The following CPNE4 variants were observed in gnomAD, a reference collection of about 807,000 sequenced individuals.
CPNE4 encodes the protein copine 4, also known as copine-4.
Under a neutral mutation model 67.9 loss-of-function variants are expected in CPNE4, and 25 were observed. That is an observed-to-expected ratio of 0.37 (90% CI 0.27 to 0.51). The LOEUF is 0.51. Ranked by LOEUF, CPNE4 falls within the 20% of genes least tolerant of loss-of-function variation. CPNE4 has a pLI of 0.93. For missense variants in CPNE4, 464 were observed against 690.8 expected, an observed-to-expected ratio of 0.67 and a Z score of 3.68; for synonymous variants, 242 against 244.9, an observed-to-expected ratio of 0.99 and a Z score of 0.11.
chr3:131,765,732 T>C (rs1336339191), intron 2 of CPNE4, among the ~76,000 whole-genome samples: 1 of 152,062 alleles, frequency 6.6e-6, no homozygotes, highest in Admixed American at 6.6e-5. Context: ...CAGAAATCTA[T>C]GTGTTGATGG....
At chr3:131,597,134 C>T (rs1440746292) in intron 7 of CPNE4, among the ~76,000 whole-genome samples, 2 of 152,182 alleles carry the variant, frequency 1.3e-5, no homozygotes, top group Admixed American at 1.3e-4. Context: ...TTATTATTAT[C>T]ATCCCTACTG....
chr3:131,979,956 C>T (rs6778407), intron 1 of CPNE4, among the ~76,000 whole-genome samples: 3,073 of 152,114 alleles, frequency 0.02, 98 homozygotes, highest in African/African-American at 0.069. Flanking sequence ...ATATATGATG[C>T]TTAGTTTTGC....
At chr3:131,656,300 T>C (rs2079963885) in intron 7 of CPNE4, among the ~76,000 whole-genome samples, 1 of 152,186 alleles carries the variant, frequency 6.6e-6, no homozygotes, top group Admixed American at 6.5e-5. Flanking sequence ...AAAGCTTCCA[T>C]GATGAATGTA....
chr3:131,738,511 A>G (rs572914348), intron 2 of CPNE4, among the ~76,000 whole-genome samples: 1 of 152,374 alleles, frequency 6.6e-6, no homozygotes, highest in East Asian at 1.9e-4. Flanking sequence ...AAGAAATTTA[A>G]GCAACAGATG....
chr3:131,782,525 T>A (rs1196255724), intron 2 of CPNE4, among the ~76,000 whole-genome samples: 1 of 151,920 alleles, frequency 6.6e-6, no homozygotes, highest in Non-Finnish European at 1.5e-5. Context: ...GTAAAGTACA[T>A]TGCTCCTAGT....
chr3:131,705,329 A>T (rs777546127), intron 3 of CPNE4, among the ~76,000 whole-genome samples: 19 of 152,316 alleles, frequency 1.2e-4, no homozygotes, highest in Admixed American at 3.3e-4. Context: ...CACTGAATCC[A>T]AATCTGCATT....
chr3:131,720,571 A>G (rs796275995), intron 3 of CPNE4, among the ~76,000 whole-genome samples: 11 of 152,274 alleles, frequency 7.2e-5, no homozygotes, highest in African/African-American at 2.6e-4. Flanking sequence ...GGCGTGAGCC[A>G]CCGCGCCCGG....
chr3:131,771,850 G>A (rs1009775424), intron 2 of CPNE4, among the ~76,000 whole-genome samples: 3 of 152,134 alleles, frequency 2.0e-5, no homozygotes, highest in Admixed American at 6.5e-5. Context: ...CTGGTTCCAT[G>A]TCAGACTCCT....
At chr3:131,769,913 A>T (rs2083121990) in intron 2 of CPNE4, among the ~76,000 whole-genome samples, 1 of 152,112 alleles carries the variant, frequency 6.6e-6, no homozygotes, top group Non-Finnish European at 1.5e-5. Context: ...AATGGGATAA[A>T]ATTAAAGCTT....
At chr3:131,870,357 G>A (rs2087144847) in intron 2 of CPNE4, among the ~76,000 whole-genome samples, 1 of 152,196 alleles carries the variant, frequency 6.6e-6, no homozygotes, top group South Asian at 2.1e-4. Context: ...GGAGCAACCG[G>A]TCTTGTCGAC....
chr3:131,587,408 C>A, intron 8 of CPNE4, 76 bp downstream of exon 8: 1 of 904,748 alleles, frequency 1.1e-6, no homozygotes, highest in Non-Finnish European at 1.8e-6. Flanking sequence ...TTGCCTCTTG[C>A]TGTTTCATTG....
intron 1 of CPNE4, among the ~76,000 whole-genome samples, chr3:131,945,877 C>T (rs2071538353): frequency 6.6e-6 from 1 of 152,136 alleles, no homozygotes; most frequent in Admixed American, 6.5e-5. Flanking sequence ...CAGGACACTG[C>T]CCGCGTGGAG....
At chr3:131,789,000 A>AG (rs1397818155) in intron 2 of CPNE4, among the ~76,000 whole-genome samples, 2 of 134,578 alleles carry the variant, frequency 1.5e-5, no homozygotes, top group Non-Finnish European at 3.2e-5. Context: ...CAGAGAACTC[A>AG]ACCAGACACA....
At chr3:131,834,474 G>A (rs1010252782) in intron 2 of CPNE4, among the ~76,000 whole-genome samples, 7 of 152,022 alleles carry the variant, frequency 4.6e-5, no homozygotes, top group Admixed American at 1.3e-4. Flanking sequence ...GGGTGGTGAA[G>A]AAATTCTTCT....
chr3:131,788,685 A>C (rs1364326991), intron 2 of CPNE4, among the ~76,000 whole-genome samples: 2 of 152,148 alleles, frequency 1.3e-5, no homozygotes, highest in Admixed American at 1.3e-4. Context: ...AATATCCAAT[A>C]ATAAGGGAAT....
intron 1 of CPNE4, among the ~76,000 whole-genome samples, chr3:131,906,875 TAA>T (rs2088790479): frequency 6.6e-6 from 1 of 151,760 alleles, no homozygotes; most frequent in African/African-American, 2.4e-5. Flanking sequence ...ACCAACAGTG[TAA>T]AAGTGTTCCT....
At chr3:131,773,578 T>A (rs1324163032) in intron 2 of CPNE4, among the ~76,000 whole-genome samples, 1 of 151,896 alleles carries the variant, frequency 6.6e-6, no homozygotes, top group East Asian at 1.9e-4. Context: ...GAACTCCTGA[T>A]CTCAAGAGAT....
At chr3:132,030,340 C>T (rs1026649884) in intron 1 of CPNE4, among the ~76,000 whole-genome samples, 3 of 152,048 alleles carry the variant, frequency 2.0e-5, no homozygotes, top group Non-Finnish European at 4.4e-5. Context: ...AGATGATCCC[C>T]AAGCTCTCTT....
At chr3:131,779,586 G>T (rs1043620773) in intron 2 of CPNE4, among the ~76,000 whole-genome samples, 1 of 152,092 alleles carries the variant, frequency 6.6e-6, no homozygotes, top group Non-Finnish European at 1.5e-5. Flanking sequence ...AATGGGGAAA[G>T]AACTTCCTAT....
Sources: gnomAD v4.1 joint callset for allele counts (sites outside exome capture counted in the v4.1 genomes callset) on GRCh38, gnomAD v4.1.1 for gene constraint, MANE v1.5 for transcripts, NCBI Gene and HGNC (gene_info 2026-07-23, HGNC 2026-07-21) for gene names.